NKAIN3: variants seen among roughly 807,000 people sequenced by gnomAD.
NKAIN3 encodes the protein sodium/potassium-transporting ATPase subunit beta-1-interacting protein 3.
Under a neutral mutation model 30.2 loss-of-function variants are expected in NKAIN3, and 25 were observed. The ratio of observed to expected loss-of-function variants is 0.83; its 90% CI spans 0.60 to 1.16. The LOEUF is 1.16. NKAIN3 is among the 50% of genes most tolerant of loss of function. NKAIN3 has a pLI of 0.00. For synonymous variants in NKAIN3, 91 were observed against 89.6 expected (o/e 1.02, Z -0.09); for missense variants, 225 against 254.1 (o/e 0.89, Z 0.78).
Position 62,834,449 on chromosome 8 carries a change from C to T in NKAIN3, c.472-84004C>T, listed in dbSNP as rs183253574. Among the ~76,000 whole-genome samples the T allele has an allele frequency of 3.1e-3, 465 of 152,096 alleles. 1 individual carries two copies. The highest frequency in any genetic ancestry group is 0.01 in the Middle Eastern group (3 of 294). On this transcript the variant is annotated intron_variant, in intron 4 of 6. Transcript: ENST00000623646. ...ACTTTAAAGACTCTACCCAAAGATG[C>T]CTAGAACTGACAAATGAGTTCAGTA...
intron 1 of NKAIN3, among the ~76,000 whole-genome samples, chr8:62,391,778 A>G (rs60500327): frequency 0.17 from 26,149 of 151,984 alleles, 2,615 homozygotes; most frequent in East Asian, 0.4. Flanking sequence ...TGTTTAATGC[A>G]TTATGAAGAT....
At chr8:62,555,009 T>TACACACACAC (rs1491362672) in intron 1 of NKAIN3, among the ~76,000 whole-genome samples, 17 of 104,616 alleles carry the variant, frequency 1.6e-4, no homozygotes, top group African/African-American at 4.8e-4. Context: ...TGGCAGAATC[T>TACACACACAC]ATACACACAC....
intron 1 of NKAIN3, among the ~76,000 whole-genome samples, chr8:62,479,759 C>T (rs187319824): frequency 1.8e-4 from 28 of 152,106 alleles, no homozygotes; most frequent in East Asian, 5.8e-4. Flanking sequence ...GAGGAATGTC[C>T]CAGCCCTCAG....
At chr8:62,574,786 T>C (rs1178889621) in intron 1 of NKAIN3, among the ~76,000 whole-genome samples, 1 of 152,156 alleles carries the variant, frequency 6.6e-6, no homozygotes, top group Non-Finnish European at 1.5e-5. Context: ...TTTGCATTTC[T>C]CTGATGATCA....
chr8:62,807,262 C>T (rs573418160), intron 4 of NKAIN3, among the ~76,000 whole-genome samples: 11 of 152,232 alleles, frequency 7.2e-5, no homozygotes, highest in South Asian at 2.1e-4. Flanking sequence ...TTTTAATAAA[C>T]TTGACTGATA....
At chr8:62,927,876 G>A (rs1026777292) in intron 5 of NKAIN3, among the ~76,000 whole-genome samples, 8 of 152,164 alleles carry the variant, frequency 5.3e-5, no homozygotes, top group African/African-American at 1.9e-4. Flanking sequence ...TAAAAGAGAT[G>A]TTTATCCTTT....
chr8:62,796,789 T>C (rs3032377), intron 4 of NKAIN3, among the ~76,000 whole-genome samples: 172 of 146,136 alleles, frequency 1.2e-3, no homozygotes, highest in African/African-American at 1.9e-3. Flanking sequence ...GTATCACACA[T>C]ACACACACAC....
At chr8:62,320,877 C>T (rs1563932513) in intron 1 of NKAIN3, among the ~76,000 whole-genome samples, 2 of 152,280 alleles carry the variant, frequency 1.3e-5, no homozygotes, top group African/African-American at 4.8e-5. Context: ...TGAATGTTGG[C>T]CTGCCTTGCT....
chr8:62,630,501 T>A (rs1390101983), intron 3 of NKAIN3, among the ~76,000 whole-genome samples: 1 of 152,064 alleles, frequency 6.6e-6, no homozygotes, highest in East Asian at 1.9e-4. Flanking sequence ...TGACAGGAGA[T>A]CTGATCCTTA....
intron 4 of NKAIN3, among the ~76,000 whole-genome samples, chr8:62,757,397 C>T (rs761727966): frequency 3.3e-5 from 5 of 152,062 alleles, no homozygotes; most frequent in Non-Finnish European, 7.4e-5. Context: ...CAAGCTGTTT[C>T]ATTCATTCAG....
intron 5 of NKAIN3, chr8:62,990,085 G>T: frequency 1.4e-6 from 1 of 695,656 alleles, no homozygotes; most frequent in Non-Finnish European, 2.4e-6. Flanking sequence ...ACTTAATTTT[G>T]TTTGATTCAG....
At chr8:62,827,339 G>T (rs1819058418) in intron 4 of NKAIN3, among the ~76,000 whole-genome samples, 1 of 152,106 alleles carries the variant, frequency 6.6e-6, no homozygotes, top group African/African-American at 2.4e-5. Flanking sequence ...TGCCTTCTCT[G>T]CAGTTTATAT....
chr8:62,621,386 A>G (rs1433782619), intron 3 of NKAIN3, among the ~76,000 whole-genome samples: 1 of 152,104 alleles, frequency 6.6e-6, no homozygotes, highest in Non-Finnish European at 1.5e-5. Flanking sequence ...TAAAAACTGA[A>G]AAATACATTT....
intron 1 of NKAIN3, chr8:62,473,980 T>G (rs1585847764): frequency 6.6e-6 from 1 of 152,208 alleles, no homozygotes; most frequent in Non-Finnish European, 1.5e-5. Context: ...CCTGTGTCAC[T>G]GTTTTGTATC....
At chr8:62,272,379 A>G (rs1361583411) in intron 1 of NKAIN3, among the ~76,000 whole-genome samples, 2 of 152,310 alleles carry the variant, frequency 1.3e-5, no homozygotes, top group South Asian at 2.1e-4. Flanking sequence ...AGTGATGAAC[A>G]GGAAGTCCTG....
At chr8:62,505,894 G>T (rs920409538) in intron 1 of NKAIN3, among the ~76,000 whole-genome samples, 1 of 152,042 alleles carries the variant, frequency 6.6e-6, no homozygotes. Flanking sequence ...GACTCTGGCA[G>T]GGCTGGATTC....
At chr8:62,549,923 T>C (rs1427306251) in intron 1 of NKAIN3, among the ~76,000 whole-genome samples, 1 of 148,712 alleles carries the variant, frequency 6.7e-6, no homozygotes, top group South Asian at 2.2e-4. Context: ...TTGCTCACCT[T>C]GTACCTCTAG....
intron 1 of NKAIN3, among the ~76,000 whole-genome samples, chr8:62,366,919 T>C (rs1375329524): frequency 2.0e-5 from 3 of 152,202 alleles, no homozygotes; most frequent in African/African-American, 7.2e-5. Context: ...CAAGATATTT[T>C]TTGATTTTTC....
chr8:62,316,000 G>C (rs749021634), intron 1 of NKAIN3, among the ~76,000 whole-genome samples: 63 of 152,110 alleles, frequency 4.1e-4, no homozygotes, highest in Non-Finnish European at 8.4e-4. Context: ...CCTTGTTGCT[G>C]TTCTCATGAG....
Sources: gnomAD v4.1 joint callset for allele counts (sites outside exome capture counted in the v4.1 genomes callset) on GRCh38, gnomAD v4.1.1 for gene constraint, MANE v1.5 for transcripts, NCBI Gene and HGNC (gene_info 2026-07-23, HGNC 2026-07-21) for gene names.